Variants in MACROH2A1 observed in about 807,000 individuals in gnomAD.
MACROH2A1 encodes the protein core histone macro-H2A.1.
In MACROH2A1, 2 loss-of-function variants were observed where a neutral mutation model predicts 31.6. The ratio of observed to expected loss-of-function variants is 0.06; its 90% CI spans 0.03 to 0.20. The LOEUF (loss-of-function observed/expected upper bound fraction) is 0.20, where lower values mean the gene tolerates loss of function less well. MACROH2A1 is among the 10% of genes least tolerant of loss of function. The probability of loss-of-function intolerance (pLI) is 1.00; values close to 1 mark genes in which losing one functional copy is unlikely to be tolerated. For missense variants in MACROH2A1, 230 were observed against 474.0 expected, an observed-to-expected ratio of 0.49 and a Z score of 4.78; for synonymous variants, 169 against 189.6, an observed-to-expected ratio of 0.89 and a Z score of 0.89.
At chr5:135,396,161 T>G (rs1767946279) in intron 1 of MACROH2A1, among the ~76,000 whole-genome samples, 1 of 152,136 alleles carries the variant, frequency 6.6e-6, no homozygotes, top group South Asian at 2.1e-4. Flanking sequence ...ACAAAAAAAC[T>G]TTTCTACATA....
chr5:135,350,557 G>T (rs533506149), intron 6 of MACROH2A1: 6 of 424,704 alleles, frequency 1.4e-5, no homozygotes, highest in African/African-American at 1.2e-4. Context: ...GCTGTGCCTT[G>T]TGGGGCAGGT....
intron 6 of MACROH2A1, among the ~76,000 whole-genome samples, chr5:135,349,119 C>G (rs917553667): frequency 6.6e-5 from 10 of 152,174 alleles, no homozygotes; most frequent in Admixed American, 6.5e-5. Flanking sequence ...CTTCCTCAGG[C>G]TGCAGCAGGC....
chr5:135,350,973 A>G, intron 6 of MACROH2A1: 1 of 1,119,364 alleles, frequency 8.9e-7, no homozygotes. Flanking sequence ...GCACAGGCAC[A>G]TTTACTAATG....
chr5:135,360,751 A>G, intron 4 of MACROH2A1, 144 bp from the exon 5 acceptor site: 1 of 709,594 alleles, frequency 1.4e-6, no homozygotes, highest in Admixed American at 2.0e-5. Context: ...TCCAAGGGGG[A>G]GCTCAGACTC....
At chr5:135,389,391 G>A (rs1766888643) in intron 1 of MACROH2A1, 1 of 264,610 alleles carries the variant, frequency 3.8e-6, no homozygotes, top group Non-Finnish European at 7.1e-6. Context: ...AAAGGAAATG[G>A]GATTTCTTGG....
chr5:135,340,042 G>A (rs930497804), intron 8 of MACROH2A1, among the ~76,000 whole-genome samples: 1 of 152,222 alleles, frequency 6.6e-6, no homozygotes, highest in African/African-American at 2.4e-5. Context: ...TTCCCAGGTA[G>A]TGTTTTATGC....
At chr5:135,396,386 G>T (rs558910287) in intron 1 of MACROH2A1, among the ~76,000 whole-genome samples, 19 of 152,268 alleles carry the variant, frequency 1.2e-4, no homozygotes, top group Admixed American at 2.6e-4. Context: ...CCCTTCAGTT[G>T]CTCTTAGGAT....
At chr5:135,379,487 G>A (rs1765361827) in intron 2 of MACROH2A1, among the ~76,000 whole-genome samples, 1 of 152,184 alleles carries the variant, frequency 6.6e-6, no homozygotes, top group South Asian at 2.1e-4. Flanking sequence ...AGGGTGGTGG[G>A]AAGAGACGGA....
At chr5:135,338,867 C>T (rs1168829422) in intron 8 of MACROH2A1, among the ~76,000 whole-genome samples, 1 of 152,220 alleles carries the variant, frequency 6.6e-6, no homozygotes, top group Non-Finnish European at 1.5e-5. Context: ...TGAATCCCAG[C>T]TGCTTTGGGC....
At chr5:135,335,312 A>AGAT (rs1290522736) in intron 8 of MACROH2A1, among the ~76,000 whole-genome samples, 171 bp from the exon 9 acceptor site, 4 of 152,230 alleles carry the variant, frequency 2.6e-5, no homozygotes, top group African/African-American at 9.6e-5. Flanking sequence ...AGTGCCCAGA[A>AGAT]GATGGGATGG....
At chr5:135,337,940 G>A (rs1216741747) in intron 8 of MACROH2A1, 5 of 1,185,482 alleles carry the variant, frequency 4.2e-6, no homozygotes, top group Non-Finnish European at 5.4e-6. Flanking sequence ...GGAAGCTACA[G>A]CCTAAGGAAG....
intron 8 of MACROH2A1, 21 bp downstream of exon 8, chr5:135,343,239 G>A (rs747810048): frequency 2.0e-5 from 33 of 1,613,202 alleles, no homozygotes; most frequent in African/African-American, 5.3e-5. Flanking sequence ...TGACCGATAC[G>A]TAACAAGCAT....
chr5:135,382,510 T>C (rs1190370891), intron 2 of MACROH2A1, among the ~76,000 whole-genome samples: 1 of 152,176 alleles, frequency 6.6e-6, no homozygotes, highest in Non-Finnish European at 1.5e-5. Flanking sequence ...AAATGGATCA[T>C]AGACCTAAAT....
intron 2 of MACROH2A1, among the ~76,000 whole-genome samples, chr5:135,386,496 G>A (rs536517021): frequency 2.0e-5 from 3 of 152,344 alleles, no homozygotes; most frequent in Non-Finnish European, 4.4e-5. Flanking sequence ...AAGAGCTGAT[G>A]TGGCTGATGC....
At position 135,392,038 on chromosome 5, in the gene MACROH2A1, T is replaced by G. The variant is rs2149979668; in HGVS notation, c.-33-2912A>C. ...TCACATGCCTCAGGCCACCCCTGACTTCTTGAGCCTGTCACACTGTGTTAA... is the reference window on the plus strand; with the variant it reads ...TCACATGCCTCAGGCCACCCCTGACGTCTTGAGCCTGTCACACTGTGTTAA... On this transcript the variant is annotated intron_variant, in intron 1 of 8. Coordinates refer to ENST00000511689, the MANE Select transcript of MACROH2A1 (RefSeq NM_138610.3). Among the ~76,000 whole-genome samples, 2 of 152,298 alleles carry G rather than the reference T, an allele frequency of 1.3e-5. 1 individual carries two copies. The highest frequency in any genetic ancestry group is 6.8e-3 in the Middle Eastern group (2 of 294).
intron 2 of MACROH2A1, 134 bp from the exon 3 acceptor site, chr5:135,370,276 T>C (rs1764013545): frequency 5.1e-6 from 3 of 587,760 alleles, no homozygotes; most frequent in Non-Finnish European, 9.1e-6. Context: ...TGAAAAGCTG[T>C]GGGCAGAGTC....
rs1763947940 is a variant in MACROH2A1 at position 135,369,705 on chromosome 5, G to T, written c.280-102C>A. The T allele has an allele frequency of 1.1e-6, 1 of 878,736 alleles. No homozygotes were observed. Among genetic ancestry groups the T allele is most frequent in the Non-Finnish European group, 1.8e-6 (1 of 549,330 alleles). 54.4% of individuals were successfully genotyped at this position (878,736 alleles called of 1,614,324 possible). On this transcript the variant is annotated intron_variant, in intron 3 of 8. Transcript: ENST00000511689. This position sits in a 1 kb window ranked among gnomAD's most constrained non-coding sequence, Gnocchi z 4.3. ...GACAGTCTTGCTTTGGGTTGGTGCA[G>T]CTCCTTCCTCCATGGCATCCTCCAT...
chr5:135,363,354 A>G (rs1763090396), intron 4 of MACROH2A1, among the ~76,000 whole-genome samples: 2 of 152,238 alleles, frequency 1.3e-5, no homozygotes. Context: ...TTTCCCTTCA[A>G]GGTACCCACC....
At chr5:135,339,671 G>A (rs2149712653) in intron 8 of MACROH2A1, among the ~76,000 whole-genome samples, 1 of 152,324 alleles carries the variant, frequency 6.6e-6, no homozygotes, top group East Asian at 1.9e-4. Flanking sequence ...GCACTGTGCT[G>A]TGGGCTGCTC....
Sources: gnomAD v4.1 joint callset for allele counts (sites outside exome capture counted in the v4.1 genomes callset) on GRCh38, gnomAD v4.1.1 for gene constraint, Gnocchi (gnomAD v3.1) non-coding constraint, MANE v1.5 for transcripts, NCBI Gene and HGNC (gene_info 2026-07-23, HGNC 2026-07-21) for gene names.